The following RAPH1 variants were observed in gnomAD, a reference collection of about 807,000 sequenced individuals.
RAPH1 encodes the protein Ras association (RalGDS/AF-6) and pleckstrin homology domains 1, also known as ras-associated and pleckstrin homology domains-containing protein 1.
RAPH1 carries 18 observed loss-of-function variants against 88.1 expected under a neutral mutation model. The observed-to-expected ratio is 0.20, with a 90% CI of 0.14 to 0.30. The LOEUF is 0.30. Among genes scored for constraint, RAPH1 ranks in the 10% least tolerant of loss-of-function variants. The probability of loss-of-function intolerance (pLI) is 1.00; values close to 1 mark genes in which losing one functional copy is unlikely to be tolerated. For missense variants in RAPH1, 1,448 were observed against 1,543.2 expected (o/e 0.94, Z 1.03); for synonymous variants, 587 against 559.0 (o/e 1.05, Z -0.71).
rs1232447962 is a variant in RAPH1 at position 203,439,527 on chromosome 2, A to G, written c.3663T>C (p.Ser1221=). The G allele has an allele frequency of 6.2e-7, 1 of 1,614,112 alleles. No individual in the cohort carries two copies. Residue 1221 remains serine (S), a synonymous_variant, in exon 14 of 14, where the codon AGT becomes AGC. Coordinates refer to ENST00000319170, the MANE Select transcript of RAPH1 (RefSeq NM_213589.3). ...SDQQKAGYGG[S]HISGYATLRR... ...GCAACGTTGCATAGCCTGATATATG[A>G]CTGCCTCCGTAACCAGCCTTCTGTT...
chr2:203,508,862 T>C (rs924832188), intron 1 of RAPH1, among the ~76,000 whole-genome samples: 15 of 152,146 alleles, frequency 9.9e-5, no homozygotes, highest in Admixed American at 8.5e-4. Context: ...TTAATACGTT[T>C]AGTCTAAGGA....
At position 203,433,709 on chromosome 2, in the gene RAPH1, C is replaced by T. The variant is rs2098494928; in HGVS notation, c.*5728G>A. 6.6e-6 allele frequency: 1 copy of T among 151,994 alleles called. No individual in the cohort carries two copies. Among genetic ancestry groups the T allele is most frequent in the Non-Finnish European group, 1.5e-5 (1 of 67,990 alleles). The allele number at this position is 151,994 out of a possible 1,614,324, so 9.4% of individuals were successfully genotyped here. A position where few individuals can be genotyped will look rare whatever the true frequency, so the allele number is the denominator to read the frequency against. On this transcript the variant is annotated 3_prime_UTR_variant, in exon 14 of 14. Coordinates refer to ENST00000319170, the MANE Select transcript of RAPH1 (RefSeq NM_213589.3). ...GAACATATCAAACTAGTTTATTTAC[C>T]ACACTTAATTTCTTCTGTGTATGGC...
intron 4 of RAPH1, among the ~76,000 whole-genome samples, chr2:203,464,133 A>G (rs1024446297): frequency 2.0e-5 from 3 of 152,218 alleles, no homozygotes; most frequent in Admixed American, 6.5e-5. Flanking sequence ...GCATCCTTAT[A>G]TTGGCATGAA....
intron 1 of RAPH1, among the ~76,000 whole-genome samples, chr2:203,516,748 A>C (rs1203479616): frequency 6.6e-6 from 1 of 151,526 alleles, no homozygotes; most frequent in African/African-American, 2.4e-5. Context: ...AGAAAAAGAA[A>C]AAAGGCCAGG....
At chr2:203,456,295 C>T (rs924679783) in intron 8 of RAPH1, among the ~76,000 whole-genome samples, 1 of 152,104 alleles carries the variant, frequency 6.6e-6, no homozygotes, top group Non-Finnish European at 1.5e-5. Flanking sequence ...GCAAACCAAG[C>T]GTTAGACTTT....
intron 4 of RAPH1, among the ~76,000 whole-genome samples, chr2:203,474,662 C>G (rs1436474051): frequency 3.3e-5 from 5 of 152,178 alleles, no homozygotes; most frequent in African/African-American, 1.2e-4. Context: ...GCAGTGTACA[C>G]TCTGTCACAT....
intron 1 of RAPH1, among the ~76,000 whole-genome samples, chr2:203,532,228 G>A (rs1581424130): frequency 6.6e-6 from 1 of 152,156 alleles, no homozygotes; most frequent in African/African-American, 2.4e-5. Flanking sequence ...GTCTCACTCT[G>A]TCACCCAGTG....
Position 203,435,555 on chromosome 2 carries a change from A to G in RAPH1, c.*3882T>C, listed in dbSNP as rs895634684. On this transcript the variant is annotated 3_prime_UTR_variant, in exon 14 of 14. Transcript: ENST00000319170. ...AAAAGTGAAAGTTACCTGCAATCTA[A>G]AGGGTTTTCTTCCCCTAGAAACAGT... 1.3e-5 allele frequency: 2 copies of G among 152,012 alleles called. No individual in the cohort carries two copies. Among genetic ancestry groups the G allele is most frequent in the Non-Finnish European group, 2.9e-5 (2 of 68,024 alleles). 9.4% of individuals were successfully genotyped at this position (152,012 alleles called of 1,614,324 possible). A position where few individuals can be genotyped will look rare whatever the true frequency, so the allele number is the denominator to read the frequency against.
rs754617673 is a variant in RAPH1 at position 203,438,147 on chromosome 2, G to A, written c.*1290C>T. ...ACTCCATCAGAACACCTAGTAACCT[G>A]AACTAATCACAACCAGGCTGCAGTC... On this transcript the variant is annotated 3_prime_UTR_variant, in exon 14 of 14. Transcript: ENST00000319170. The A allele has an allele frequency of 1.9e-6, 1 of 518,734 alleles. No individual in the cohort carries two copies. The highest frequency in any genetic ancestry group is 1.4e-5 in the South Asian group (1 of 71,432). 32.1% of individuals were successfully genotyped at this position (518,734 alleles called of 1,614,324 possible). A position where few individuals can be genotyped will look rare whatever the true frequency, so the allele number is the denominator to read the frequency against.
intron 7 of RAPH1, among the ~76,000 whole-genome samples, chr2:203,458,861 C>T (rs942919229): frequency 2.6e-5 from 4 of 152,004 alleles, no homozygotes; most frequent in African/African-American, 4.8e-5. Context: ...CTCCCGGATT[C>T]ACACCATTCT....
Position 203,509,856 on chromosome 2 carries a change from G to A in RAPH1, c.1-14503C>T, listed in dbSNP as rs147836310. ...GAGATGTGGTCATTTAAAAGTGTGT[G>A]GCACCTCCCCCCTACTCTTGCCCCT... On this transcript the variant is annotated intron_variant, in intron 1 of 13. Coordinates refer to ENST00000319170, the MANE Select transcript of RAPH1 (RefSeq NM_213589.3). 8.2e-4 allele frequency among the ~76,000 whole-genome samples: 125 copies of A among 152,066 alleles called. No individual in the cohort carries two copies. In the East Asian group the frequency reaches 0.018, roughly 22 times the overall value.
Position 203,440,655 on chromosome 2 carries a change from GCT to G in RAPH1, c.2533_2534del (p.Ser845LeufsTer77). The G allele has an allele frequency of 6.4e-7, 1 of 1,560,050 alleles. No homozygotes were observed. The highest frequency in any genetic ancestry group is 8.7e-7 in the Non-Finnish European group (1 of 1,149,596). On this transcript the variant is annotated frameshift_variant, in exon 14 of 14. Transcript: ENST00000319170. LOFTEE classifies it high-confidence loss of function. ...GAGAGGGAGGGGGTTTTGCACAGAA[GCT>G]CTGTTGCTTGGGTAATGTTGGCGGG... ...VPPPTLPKQQSFCAKPPPSPL... is the reference protein window; with the variant it reads ...VPPPTLPKQQXFCAKPPPSPL...
chr2:203,440,390 G>T lies in RAPH1; in HGVS notation c.2800C>A (p.Pro934Thr), dbSNP rs773570842. The T allele has an allele frequency of 1.9e-6, 3 of 1,577,962 alleles. No homozygotes were observed. Among genetic ancestry groups the T allele is most frequent in the Non-Finnish European group, 2.6e-6 (3 of 1,160,942 alleles). The change falls in exon 14 of 14, where the codon CCT becomes ACT. Residue 934 changes from proline (P) to threonine (T), a missense_variant. Physicochemically the swap from Pro to Thr is conservative, Grantham distance 38. This residue lies in a region of RAPH1 where 935 missense variants were observed against 890.1 expected (regional missense o/e 1.05). Coordinates refer to ENST00000319170, the MANE Select transcript of RAPH1 (RefSeq NM_213589.3). ...GGTGGTGGTGGTGGGGCTGGGACAG[G>T]TGATGGGGGTGGAGGAGGAAACACC... The part of the protein sequence containing the change: ...SLVFPPPPPS[P>T]VPAPPPPPPP...
At chr2:203,495,043 C>T (rs1688452262) in intron 2 of RAPH1, 191 bp downstream of exon 2, 2 of 526,970 alleles carry the variant, frequency 3.8e-6, no homozygotes, top group Non-Finnish European at 6.4e-6. Flanking sequence ...TTTTAACATC[C>T]TTAAAATAAC....
At chr2:203,522,895 CAAAAAAA>C (rs59862473) in intron 1 of RAPH1, among the ~76,000 whole-genome samples, 3 of 85,842 alleles carry the variant, frequency 3.5e-5, no homozygotes, top group African/African-American at 9.0e-5. Context: ...GACTCTGTCT[CAAAAAAA>C]AAAAAAAAAA....
intron 1 of RAPH1, among the ~76,000 whole-genome samples, chr2:203,502,724 G>T (rs1034709699): frequency 2.6e-5 from 4 of 151,622 alleles, no homozygotes; most frequent in African/African-American, 9.7e-5. Flanking sequence ...GGAGGCTGAG[G>T]CAGAAGAATG....
At chr2:203,474,111 G>A (rs769192046) in intron 4 of RAPH1, among the ~76,000 whole-genome samples, 9 of 152,214 alleles carry the variant, frequency 5.9e-5, no homozygotes, top group Non-Finnish European at 1.0e-4. Flanking sequence ...TACAGTCCTG[G>A]AGGATGATTA....
At chr2:203,527,900 T>C (rs1013797071) in intron 1 of RAPH1, among the ~76,000 whole-genome samples, 4 of 146,168 alleles carry the variant, frequency 2.7e-5, no homozygotes, top group African/African-American at 1.0e-4. Flanking sequence ...GAGGAGAGGG[T>C]AAGGTTTAAG....
In RAPH1 at chr2:203,433,933, GT is replaced by G. The variant is rs1388749973; in HGVS notation, c.*5503del. ...ACTAGTGTGCTAAGCCATTACAATA[GT>G]TTACTGACATAACTGGCAAGAGTAA... On this transcript the variant is annotated 3_prime_UTR_variant, in exon 14 of 14. Transcript: ENST00000319170. The G allele has an allele frequency of 1.3e-5, 2 of 152,402 alleles. No individual in the cohort carries two copies. Among genetic ancestry groups the G allele is most frequent in the Non-Finnish European group, 2.9e-5 (2 of 67,996 alleles). 9.4% of individuals were successfully genotyped at this position (152,402 alleles called of 1,614,324 possible).
Sources: allele counts gnomAD v4.1 joint callset (sites outside exome capture counted in the v4.1 genomes callset), GRCh38; gene constraint gnomAD v4.1.1; regional missense constraint gnomAD v4.1.1; transcripts MANE v1.5; gene names NCBI Gene and HGNC (gene_info 2026-07-23, HGNC 2026-07-21).